FAF1: variants seen among roughly 807,000 people sequenced by gnomAD.
FAF1 encodes the protein FAS-associated factor 1.
A neutral mutation model predicts 92.5 loss-of-function variants in FAF1; 25 were observed. The observed-to-expected ratio is 0.27, with a 90% confidence interval of 0.20 to 0.38. The LOEUF (loss-of-function observed/expected upper bound fraction) is 0.38. FAF1 is among the 10% of genes least tolerant of loss of function. The probability of loss-of-function intolerance (pLI) is 1.00; values close to 1 mark genes in which losing one functional copy is unlikely to be tolerated. For synonymous variants in FAF1, 234 were observed against 273.2 expected, an observed-to-expected ratio of 0.86 and a Z score of 1.42; for missense variants, 636 against 793.3, an observed-to-expected ratio of 0.80 and a Z score of 2.38.
intron 1 of FAF1, among the ~76,000 whole-genome samples, chr1:50,876,647 G>A (rs1469333724): frequency 6.6e-6 from 1 of 152,070 alleles, no homozygotes; most frequent in Non-Finnish European, 1.5e-5. Context: ...GTGCAGTGGC[G>A]CAATCTCAGC....
chr1:50,912,811 G>GT (rs773126336), intron 1 of FAF1, among the ~76,000 whole-genome samples: 12 of 152,060 alleles, frequency 7.9e-5, no homozygotes, highest in Non-Finnish European at 1.6e-4. Context: ...CCCATTCTCA[G>GT]TTTCTTAAAT....
At chr1:50,686,626 G>A (rs1342119253) in intron 7 of FAF1, among the ~76,000 whole-genome samples, 1 of 150,396 alleles carries the variant, frequency 6.6e-6, no homozygotes, top group Non-Finnish European at 1.5e-5. Flanking sequence ...GAGGGGAGCG[G>A]GGGAGAGCGG....
At chr1:50,531,218 T>A (rs1648148927) in intron 15 of FAF1, among the ~76,000 whole-genome samples, 1 of 152,152 alleles carries the variant, frequency 6.6e-6, no homozygotes, top group Non-Finnish European at 1.5e-5. Context: ...ATCTCCAACA[T>A]CTGGATTGTG....
intron 15 of FAF1, among the ~76,000 whole-genome samples, chr1:50,522,155 A>G (rs3827731): frequency 0.065 from 9,972 of 152,322 alleles, 401 homozygotes; most frequent in East Asian, 0.092. Context: ...ATTTGCGAAT[A>G]TGGCAATGTC....
intron 1 of FAF1, among the ~76,000 whole-genome samples, chr1:50,934,000 T>A (rs1018139667): frequency 1.1e-4 from 16 of 152,232 alleles, no homozygotes; most frequent in Non-Finnish European, 2.4e-4. Flanking sequence ...GTGGGACTTC[T>A]GGGAGATACA....
At chr1:50,953,404 TA>T (rs965452084) in intron 1 of FAF1, among the ~76,000 whole-genome samples, 68 of 149,206 alleles carry the variant, frequency 4.6e-4, no homozygotes, top group African/African-American at 1.6e-3. Flanking sequence ...ACTATAAAAA[TA>T]AATAAATAAA....
At position 50,638,171 on chromosome 1, in the gene FAF1, C is replaced by T. The variant is rs1048936023; in HGVS notation, c.744+17271G>A. Among the ~76,000 whole-genome samples the T allele has an allele frequency of 2.6e-5, 4 of 152,100 alleles. No individual in the cohort carries two copies. The East Asian group carries it at 7.7e-4, about 29-fold the overall frequency. ...ATTGATCTCATGGCCCATGACCTTG[C>T]TAATTTCACTTGTCACATCTATTAG... On this transcript the variant is annotated intron_variant, in intron 8 of 18. Coordinates refer to ENST00000396153, the MANE Select transcript of FAF1 (RefSeq NM_007051.3).
chr1:50,519,482 A>G (rs1647394634), intron 15 of FAF1, among the ~76,000 whole-genome samples: 2 of 151,462 alleles, frequency 1.3e-5, no homozygotes, highest in African/African-American at 2.4e-5. Context: ...AAGGAAGGAA[A>G]GAAAGAAAAT....
intron 13 of FAF1, among the ~76,000 whole-genome samples, chr1:50,560,700 A>C (rs1649862252): frequency 1.3e-5 from 2 of 152,264 alleles, no homozygotes; most frequent in Admixed American, 1.3e-4. Flanking sequence ...AGTTGGCACT[A>C]TTCCAGTCAA....
At chr1:50,638,476 G>C (rs138281157) in intron 8 of FAF1, among the ~76,000 whole-genome samples, 1,503 of 139,996 alleles carry the variant, frequency 0.011, 27 homozygotes, top group African/African-American at 0.038. Flanking sequence ...ATGGAGTCAC[G>C]CTCTGTTGCT....
intron 1 of FAF1, among the ~76,000 whole-genome samples, chr1:50,922,543 C>T (rs1397801044): frequency 1.3e-5 from 2 of 150,464 alleles, no homozygotes; most frequent in Non-Finnish European, 3.0e-5. Context: ...TAAGCTAGGC[C>T]GCAGTGGCTC....
At chr1:50,918,402 C>T (rs1283582094) in intron 1 of FAF1, among the ~76,000 whole-genome samples, 4 of 91,256 alleles carry the variant, frequency 4.4e-5, no homozygotes, top group Non-Finnish European at 8.5e-5. Context: ...TCCATGTGAT[C>T]TCATTGTTCA....
intron 2 of FAF1, among the ~76,000 whole-genome samples, chr1:50,810,156 G>C (rs1662364320): frequency 6.6e-6 from 1 of 152,206 alleles, no homozygotes; most frequent in Non-Finnish European, 1.5e-5. Context: ...TTGGGAGGCT[G>C]ATGCAGGAGA....
At chr1:50,658,860 T>C (rs1655246135) in intron 7 of FAF1, among the ~76,000 whole-genome samples, 1 of 152,230 alleles carries the variant, frequency 6.6e-6, no homozygotes, top group Non-Finnish European at 1.5e-5. Flanking sequence ...AACAACAATT[T>C]AGTGTTTTTC....
chr1:50,565,472 A>G (rs1650132364), intron 13 of FAF1, among the ~76,000 whole-genome samples: 1 of 152,096 alleles, frequency 6.6e-6, no homozygotes, highest in Non-Finnish European at 1.5e-5. Context: ...TGTCATAAGG[A>G]GTTAATAGGA....
At chr1:50,944,522 T>C (rs1645158954) in intron 1 of FAF1, among the ~76,000 whole-genome samples, 1 of 152,096 alleles carries the variant, frequency 6.6e-6, no homozygotes, top group South Asian at 2.1e-4. Flanking sequence ...CCAATCACCT[T>C]TTACTCACAA....
chr1:50,469,596 T>C (rs928436137), intron 18 of FAF1: 1 of 152,126 alleles, frequency 6.6e-6, no homozygotes, highest in African/African-American at 2.4e-5. Context: ...TGGAGGCTTT[T>C]AAGCAGGAGA....
intron 12 of FAF1, among the ~76,000 whole-genome samples, chr1:50,570,233 G>C (rs1650370398): frequency 6.6e-6 from 1 of 152,190 alleles, no homozygotes; most frequent in African/African-American, 2.4e-5. Flanking sequence ...GAGAAGACAA[G>C]CGAATGCAGA....
At chr1:50,457,794 C>A in intron 18 of FAF1, among the ~76,000 whole-genome samples, 1 of 138,850 alleles carries the variant, frequency 7.2e-6, no homozygotes, top group African/African-American at 2.8e-5. Context: ...GTCCCAGCTA[C>A]TGGGGAGGTT....
Sources: allele counts gnomAD v4.1 joint callset (sites outside exome capture counted in the v4.1 genomes callset), GRCh38; gene constraint gnomAD v4.1.1; transcripts MANE v1.5; gene names NCBI Gene and HGNC (gene_info 2026-07-23, HGNC 2026-07-21).